Variants in RAD54L observed in about 807,000 individuals in gnomAD.
The protein encoded by RAD54L is RAD54 like, also known as DNA repair and recombination protein RAD54-like.
A neutral mutation model predicts 91.6 loss-of-function variants in RAD54L; 74 were observed. That is an observed-to-expected ratio of 0.81 (90% CI 0.67 to 0.98). The LOEUF (loss-of-function observed/expected upper bound fraction) is 0.98, where lower values mean the gene tolerates loss of function less well. Among genes scored for constraint, RAD54L ranks in the 50% least tolerant of loss-of-function variants. The probability of loss-of-function intolerance (pLI) is 0.00; values close to 1 mark genes in which losing one functional copy is unlikely to be tolerated. For synonymous variants in RAD54L, 304 were observed against 349.7 expected (o/e 0.87, Z 1.46); for missense variants, 887 against 945.7 (o/e 0.94, Z 0.81).
In RAD54L at chr1:46,248,117, G is replaced by C; in HGVS notation, c.-289G>C. 1 of 531,888 alleles carries C rather than the reference G, an allele frequency of 1.9e-6. No homozygotes were observed. Among genetic ancestry groups the C allele is most frequent in the Non-Finnish European group, 3.4e-6 (1 of 292,264 alleles). The allele number at this position is 531,888 out of a possible 1,614,324, so 32.9% of individuals were successfully genotyped here. A position where few individuals can be genotyped will look rare whatever the true frequency, so the allele number is the denominator to read the frequency against. On this transcript the variant is annotated 5_prime_UTR_variant, in exon 1 of 18. Coordinates refer to ENST00000371975, the MANE Select transcript of RAD54L (RefSeq NM_003579.4). The stretch of plus-strand genomic sequence containing the variant: ...CCCCACTCCACTCCGCCCAGTCTGG[G>C]ACTCCACCTGCCTCCTCCCCAATCC...
chr1:46,256,046 G>A (rs185779637), intron 3 of RAD54L, among the ~76,000 whole-genome samples: 1 of 151,980 alleles, frequency 6.6e-6, no homozygotes, highest in East Asian at 1.9e-4. Context: ...GAAAATTAGG[G>A]TCCATCTCCT....
chr1:46,254,364 C>G (rs1659884561), intron 3 of RAD54L, among the ~76,000 whole-genome samples: 1 of 151,270 alleles, frequency 6.6e-6, no homozygotes, highest in Admixed American at 6.6e-5. Context: ...CATAGTGTGG[C>G]CTTGGAGATG....
Position 46,248,115 on chromosome 1 carries a change from G to A in RAD54L, c.-291G>A, listed in dbSNP as rs573921906. On this transcript the variant is annotated 5_prime_UTR_variant, in exon 1 of 18. Transcript: ENST00000371975. ...ATCCCCACTCCACTCCGCCCAGTCT[G>A]GGACTCCACCTGCCTCCTCCCCAAT... The A allele has an allele frequency of 4.6e-5, 22 of 481,086 alleles. 1 individual carries two copies. Among genetic ancestry groups the A allele is most frequent in the South Asian group, 4.4e-4 (22 of 49,758 alleles). The allele number at this position is 481,086 out of a possible 1,614,324, so 29.8% of individuals were successfully genotyped here.
chr1:46,254,175 A>G (rs1354234502), intron 3 of RAD54L, among the ~76,000 whole-genome samples: 1 of 152,010 alleles, frequency 6.6e-6, no homozygotes, highest in African/African-American at 2.4e-5. Flanking sequence ...TGGTTTTACC[A>G]TGTAGGCCAG....
intron 8 of RAD54L, among the ~76,000 whole-genome samples, chr1:46,264,773 C>A (rs554899093): frequency 6.6e-6 from 1 of 152,198 alleles, no homozygotes; most frequent in Admixed American, 6.5e-5. Context: ...GATTCCAAGT[C>A]GTGGCTCTTT....
At chr1:46,269,517 A>C (rs1027925468) in intron 9 of RAD54L, among the ~76,000 whole-genome samples, 5 of 152,030 alleles carry the variant, frequency 3.3e-5, no homozygotes, top group Admixed American at 1.3e-4. Flanking sequence ...CATGTTGCCC[A>C]GGCTGGTCTT....
chr1:46,274,642 C>T lies in RAD54L; in HGVS notation c.1794C>T (p.Ala598=). ...TGTTTGACCCTGACTGGAACCCAGC[C>T]AATGATGAACAAGCCATGGCCCGGG... is the stretch of plus-strand genomic sequence containing the variant. ...LVMFDPDWNP[A]NDEQAMARVW... is the part of the protein sequence containing the mutation. The change falls in exon 16 of 18, where the codon GCC becomes GCT. Residue 598 remains alanine (A), a synonymous_variant. Coordinates refer to ENST00000371975, the MANE Select transcript of RAD54L (RefSeq NM_003579.4). 1.2e-6 allele frequency: 2 copies of T among 1,614,036 alleles called. No homozygotes were observed. The highest frequency in any genetic ancestry group is 1.7e-6 in the Non-Finnish European group (2 of 1,180,020).
intron 2 of RAD54L, among the ~76,000 whole-genome samples, chr1:46,249,404 C>T (rs1284058867): frequency 6.6e-6 from 1 of 152,092 alleles, no homozygotes; most frequent in African/African-American, 2.4e-5. Flanking sequence ...ATAGTTGTAC[C>T]GTGGTGTGCA....
chr1:46,271,113 C>G lies in RAD54L; in HGVS notation c.1169+328C>G, dbSNP rs780823831. 6.8e-4 allele frequency among the ~76,000 whole-genome samples: 104 copies of G among 152,096 alleles called. 1 individual carries two copies. The highest frequency in any genetic ancestry group is 5.2e-4 in the Admixed American group (8 of 15,272). ...GCTTCCTGTCAGTTGGTCTCAGACC[C>G]GAAACATTAGGCTTCTCTTCCCAGG... On this transcript the variant is annotated intron_variant, in intron 10 of 17. Transcript: ENST00000371975.
chr1:46,274,794 CT>C, intron 16 of RAD54L, 77 bp downstream of exon 16: 2 of 1,568,118 alleles, frequency 1.3e-6, no homozygotes, highest in Admixed American at 1.7e-5. Context: ...TCCTTAGTGC[CT>C]CTCTTTGGCC....
chr1:46,252,300 C>A (rs1298678326), intron 3 of RAD54L, among the ~76,000 whole-genome samples: 1 of 152,004 alleles, frequency 6.6e-6, no homozygotes, highest in Non-Finnish European at 1.5e-5. Context: ...AGAGTCTGGA[C>A]TAAGGTCACT....
chr1:46,252,342 A>C (rs558419607), intron 3 of RAD54L, among the ~76,000 whole-genome samples: 1 of 152,094 alleles, frequency 6.6e-6, no homozygotes, highest in African/African-American at 2.4e-5. Context: ...AAGTGGGGGT[A>C]GGAGGTAACA....
chr1:46,262,236 GTC>G (rs1660149459), intron 8 of RAD54L, among the ~76,000 whole-genome samples: 1 of 151,732 alleles, frequency 6.6e-6, no homozygotes, highest in Non-Finnish European at 1.5e-5. Flanking sequence ...GTGAAACCGT[GTC>G]TCTACTAAAA....
intron 8 of RAD54L, 117 bp from the exon 9 acceptor site, chr1:46,267,342 G>T: frequency 7.3e-7 from 1 of 1,372,672 alleles, no homozygotes; most frequent in Non-Finnish European, 1.0e-6. Context: ...GGGATTACAG[G>T]CATGAGCCAC....
At chr1:46,276,579 T>C (rs904874728) in intron 16 of RAD54L, among the ~76,000 whole-genome samples, 6 of 152,218 alleles carry the variant, frequency 3.9e-5, no homozygotes, top group South Asian at 2.1e-4. Flanking sequence ...TCACTGATTT[T>C]TACCTTCTTG....
At position 46,263,241 on chromosome 1, in the gene RAD54L, A is replaced by G. The variant is rs12137934; in HGVS notation, c.891+1856A>G. ...CCTTTTCCAGTATGTGTGAATGGCA[A>G]TAGAGAGGCTAGTACTTAGGAAGCA... On this transcript the variant is annotated intron_variant, in intron 8 of 17. Coordinates refer to ENST00000371975, the MANE Select transcript of RAD54L (RefSeq NM_003579.4). This position sits in a 1 kb window ranked among gnomAD's most constrained non-coding sequence, Gnocchi z 4.3. Among the ~76,000 whole-genome samples, 33,900 of 152,090 alleles carry G rather than the reference A, an allele frequency of 0.22. 4,288 individuals carry two copies. Among genetic ancestry groups the G allele is most frequent in the Non-Finnish European group, 0.29 (19,641 of 67,960 alleles).
chr1:46,249,971 A>G, intron 2 of RAD54L, 29 bp from the exon 3 acceptor site: 2 of 1,612,686 alleles, frequency 1.2e-6, no homozygotes, highest in Non-Finnish European at 1.7e-6. Context: ...GGTCTTCTAG[A>G]CTTCACCTTT....
At chr1:46,277,406 G>C (rs1334693838) in intron 16 of RAD54L, 1 of 289,246 alleles carries the variant, frequency 3.5e-6, no homozygotes, top group African/African-American at 2.2e-5. Flanking sequence ...GGAGCTAAAG[G>C]ATAGGGGATA....
At chr1:46,273,242 G>A in intron 12 of RAD54L, 113 bp from the exon 13 acceptor site, 1 of 887,862 alleles carries the variant, frequency 1.1e-6, no homozygotes, top group Middle Eastern at 2.1e-4. Context: ...GATCAAGCAA[G>A]TCTGATGTTG....
Sources: allele counts gnomAD v4.1 joint callset (sites outside exome capture counted in the v4.1 genomes callset), GRCh38; gene constraint gnomAD v4.1.1; non-coding constraint Gnocchi (gnomAD v3.1); transcripts MANE v1.5; gene names NCBI Gene and HGNC (gene_info 2026-07-23, HGNC 2026-07-21).